PKIA: variants seen among roughly 807,000 people sequenced by gnomAD.
The protein encoded by PKIA is PKI-alpha.
A neutral mutation model predicts 7.6 loss-of-function variants in PKIA; 4 were observed. The ratio of observed to expected loss-of-function variants is 0.52; its 90% CI spans 0.26 to 1.20. The LOEUF (loss-of-function observed/expected upper bound fraction) is 1.20, where lower values mean the gene tolerates loss of function less well. Ranked by LOEUF, PKIA falls within the 50% of genes most tolerant of loss-of-function variation. PKIA has a pLI of 0.13. For missense variants in PKIA, 73 were observed against 86.2 expected (o/e 0.85, Z 0.61); for synonymous variants, 21 against 30.7 (o/e 0.68, Z 1.04).
chr8:78,598,316 A>G, intron 2 of PKIA, 42 bp from the exon 3 acceptor site: 1 of 1,240,682 alleles, frequency 8.1e-7, no homozygotes, highest in South Asian at 1.4e-5. Flanking sequence ...TTTAGCATTG[A>G]CTACCATTAT....
Position 78,567,786 on chromosome 8 carries a change from G to A in PKIA, c.-156-5025G>A, listed in dbSNP as rs533413969. ...TTTATTAATTTAATCCCTTGTTTAC[G>A]CCAGTAAGAATCTGTGGACATTAAT... On this transcript the variant is annotated intron_variant, in intron 1 of 3. Transcript: ENST00000396418. Among the ~76,000 whole-genome samples the A allele has an allele frequency of 1.9e-4, 29 of 152,224 alleles. 1 individual carries two copies. The South Asian group carries it at 5.8e-3, about 30-fold the overall frequency.
intron 2 of PKIA, among the ~76,000 whole-genome samples, chr8:78,579,164 A>G (rs557084973): frequency 6.6e-6 from 1 of 152,068 alleles, no homozygotes; most frequent in South Asian, 2.1e-4. Context: ...TCTTCACCCT[A>G]CAGCAAGCCA....
At chr8:78,579,137 C>G (rs963301141) in intron 2 of PKIA, among the ~76,000 whole-genome samples, 2 of 151,964 alleles carry the variant, frequency 1.3e-5, no homozygotes, top group African/African-American at 2.4e-5. Context: ...TGTCCTGGAT[C>G]CCTCTACCTC....
At chr8:78,564,130 G>A (rs1807349657) in intron 1 of PKIA, among the ~76,000 whole-genome samples, 1 of 151,548 alleles carries the variant, frequency 6.6e-6, no homozygotes, top group South Asian at 2.1e-4. Flanking sequence ...AGGAAGTAAA[G>A]AAGAAAGATG....
intron 3 of PKIA, among the ~76,000 whole-genome samples, chr8:78,599,823 A>G (rs1808312603): frequency 6.6e-6 from 1 of 151,822 alleles, no homozygotes; most frequent in Non-Finnish European, 1.5e-5. Context: ...AGCTGCTCTT[A>G]ATATTAGGAT....
At position 78,604,758 on chromosome 8, in the gene PKIA, G is replaced by A. The variant is rs960622049; in HGVS notation, c.*2937G>A. On this transcript the variant is annotated 3_prime_UTR_variant, in exon 4 of 4. Transcript: ENST00000396418. ...GGGACTTTGGCTTTTTGACTTATTT[G>A]CAACAAGCATGAAATTGTTAAATTT... 5 of 151,688 alleles carry A rather than the reference G, an allele frequency of 3.3e-5. No homozygotes were observed. Among genetic ancestry groups the A allele is most frequent in the Non-Finnish European group, 7.4e-5 (5 of 67,878 alleles). 9.4% of individuals were successfully genotyped at this position (151,688 alleles called of 1,614,324 possible). A position where few individuals can be genotyped will look rare whatever the true frequency, so the allele number is the denominator to read the frequency against.
At chr8:78,557,857 G>A (rs1349447046) in intron 1 of PKIA, among the ~76,000 whole-genome samples, 1 of 31,746 alleles carries the variant, frequency 3.1e-5, no homozygotes, top group African/African-American at 1.6e-4. Flanking sequence ...TCTCCGGGAT[G>A]GTAGTCTGTG....
At chr8:78,570,420 A>G (rs1197563566) in intron 1 of PKIA, among the ~76,000 whole-genome samples, 2 of 152,178 alleles carry the variant, frequency 1.3e-5, no homozygotes, top group African/African-American at 4.8e-5. Context: ...ACTGCCATGC[A>G]CGAACTTCAT....
chr8:78,561,361 T>C (rs1019536837), intron 1 of PKIA, among the ~76,000 whole-genome samples: 2 of 152,154 alleles, frequency 1.3e-5, no homozygotes, highest in African/African-American at 4.8e-5. Context: ...TATAATTTAA[T>C]CAATTATAAG....
intron 1 of PKIA, among the ~76,000 whole-genome samples, chr8:78,548,218 G>A (rs1209404835): frequency 6.6e-6 from 1 of 152,120 alleles, no homozygotes; most frequent in Non-Finnish European, 1.5e-5. Context: ...TTATGGAGGT[G>A]AGATTCTCTC....
intron 1 of PKIA, among the ~76,000 whole-genome samples, chr8:78,519,696 AT>A (rs1809380192): frequency 6.6e-6 from 1 of 152,138 alleles, no homozygotes; most frequent in Non-Finnish European, 1.5e-5. Context: ...TTAAAAGGTA[AT>A]ATTAAGTACT....
At chr8:78,564,097 A>G (rs1410316767) in intron 1 of PKIA, among the ~76,000 whole-genome samples, 3 of 152,050 alleles carry the variant, frequency 2.0e-5, no homozygotes, top group African/African-American at 7.2e-5. Flanking sequence ...AATGAGATAT[A>G]AAGCAACACA....
At position 78,605,198 on chromosome 8, in the gene PKIA, CTT is replaced by C. The variant is rs1225314297; in HGVS notation, c.*3380_*3381del. The C allele has an allele frequency of 6.6e-6, 1 of 152,008 alleles. No individual in the cohort carries two copies. The highest frequency in any genetic ancestry group is 1.9e-4 in the East Asian group (1 of 5,168). The allele number at this position is 152,008 out of a possible 1,614,324, so 9.4% of individuals were successfully genotyped here. A position where few individuals can be genotyped will look rare whatever the true frequency, so the allele number is the denominator to read the frequency against. ...TGAAGTCATTTGTGAGCTTGTATGA[CTT>C]TTGTATTTAGCAATGTTGCATGCTC... On this transcript the variant is annotated 3_prime_UTR_variant, in exon 4 of 4. Transcript: ENST00000396418.
intron 1 of PKIA, among the ~76,000 whole-genome samples, chr8:78,542,729 T>C (rs1185608467): frequency 6.6e-6 from 1 of 152,152 alleles, no homozygotes; most frequent in Non-Finnish European, 1.5e-5. Flanking sequence ...CAAAAAGATG[T>C]TGTGGTGTGT....
At chr8:78,584,472 T>C (rs1329115665) in intron 2 of PKIA, among the ~76,000 whole-genome samples, 1 of 152,128 alleles carries the variant, frequency 6.6e-6, no homozygotes, top group African/African-American at 2.4e-5. Flanking sequence ...TTTGGTTGTG[T>C]TATAAGATAT....
intron 1 of PKIA, among the ~76,000 whole-genome samples, chr8:78,561,321 T>C (rs1807280538): frequency 6.6e-6 from 1 of 152,176 alleles, no homozygotes; most frequent in African/African-American, 2.4e-5. Flanking sequence ...TCCATTATAC[T>C]GTAATTTGTT....
intron 1 of PKIA, among the ~76,000 whole-genome samples, chr8:78,517,697 G>A (rs1157932669): frequency 6.6e-6 from 1 of 152,132 alleles, no homozygotes; most frequent in East Asian, 1.9e-4. Context: ...TTTCCCCACA[G>A]ACCCCTTGCT....
At chr8:78,560,306 C>A (rs1807255038) in intron 1 of PKIA, among the ~76,000 whole-genome samples, 1 of 152,144 alleles carries the variant, frequency 6.6e-6, no homozygotes, top group Non-Finnish European at 1.5e-5. Flanking sequence ...TTTCTTTAAA[C>A]TAATCATAAA....
chr8:78,542,716 T>A (rs1217989693), intron 1 of PKIA, among the ~76,000 whole-genome samples: 2 of 152,138 alleles, frequency 1.3e-5, no homozygotes, highest in Admixed American at 6.6e-5. Context: ...AATGACAGCT[T>A]GACAAAAAGA....
Sources: allele counts gnomAD v4.1 joint callset (sites outside exome capture counted in the v4.1 genomes callset), GRCh38; gene constraint gnomAD v4.1.1; transcripts MANE v1.5; gene names NCBI Gene and HGNC (gene_info 2026-07-23, HGNC 2026-07-21).